Variants in SPMAP2L observed in about 807,000 individuals in gnomAD.
SPMAP2L encodes the protein sperm microtubule associated protein 2-like.
At chr4:56,602,668 C>T in the SPMAP2L span, among the ~76,000 whole-genome samples, 1 of 152,082 alleles carries the variant, frequency 6.6e-6, no homozygotes, top group African/African-American at 2.4e-5. Flanking sequence ...GCACTCCAGC[C>T]TGGGTGACAG....
the SPMAP2L span, among the ~76,000 whole-genome samples, chr4:56,561,555 C>A: frequency 6.6e-6 from 1 of 152,040 alleles, no homozygotes; most frequent in Non-Finnish European, 1.5e-5. Flanking sequence ...GGTTTCATAA[C>A]AACCCATTCT....
At chr4:56,594,623 A>G in the SPMAP2L span, 1 of 1,403,898 alleles carries the variant, frequency 7.1e-7, no homozygotes, top group African/African-American at 1.4e-5. Flanking sequence ...GACCAACCCA[A>G]CAAGTGCCCA....
chr4:56,611,684 C>T, the SPMAP2L span, among the ~76,000 whole-genome samples: 1 of 152,160 alleles, frequency 6.6e-6, no homozygotes, highest in African/African-American at 2.4e-5. Context: ...AGCAACTATG[C>T]CAGGAAGCTA....
At chr4:56,567,292 A>C in the SPMAP2L span, among the ~76,000 whole-genome samples, 2 of 150,670 alleles carry the variant, frequency 1.3e-5, no homozygotes, top group South Asian at 4.2e-4. Context: ...ATTAAGATGG[A>C]GTGTCGCCAT....
the SPMAP2L span, among the ~76,000 whole-genome samples, chr4:56,583,523 G>A: frequency 2.0e-5 from 3 of 152,226 alleles, no homozygotes; most frequent in South Asian, 6.2e-4. Flanking sequence ...CCCCTAGAGA[G>A]TAATCATGTA....
chr4:56,575,039 A>G, the SPMAP2L span, among the ~76,000 whole-genome samples: 1 of 152,130 alleles, frequency 6.6e-6, no homozygotes, highest in African/African-American at 2.4e-5. Flanking sequence ...TCACGAGGTC[A>G]GGAGATCAAG....
the SPMAP2L span, chr4:56,594,025 G>A: frequency 1.2e-6 from 2 of 1,611,370 alleles, no homozygotes; most frequent in Non-Finnish European, 1.7e-6. Flanking sequence ...CCGCTCAGCG[G>A]CAGATCAATT....
At chr4:56,592,809 G>C in the SPMAP2L span, among the ~76,000 whole-genome samples, 2 of 152,054 alleles carry the variant, frequency 1.3e-5, no homozygotes, top group East Asian at 1.9e-4. Context: ...GGGGCCTCGC[G>C]CCTCCTGGAG....
chr4:56,603,156 C>A, the SPMAP2L span: 1 of 1,294,132 alleles, frequency 7.7e-7, no homozygotes, highest in Non-Finnish European at 1.1e-6. Flanking sequence ...GAAACATTAG[C>A]TACCTTCTCT....
the SPMAP2L span, among the ~76,000 whole-genome samples, chr4:56,559,938 T>G: frequency 6.6e-6 from 1 of 152,200 alleles, no homozygotes; most frequent in Non-Finnish European, 1.5e-5. Context: ...CAACGTGCAG[T>G]CAAAATTCAT....
the SPMAP2L span, chr4:56,552,433 T>C: frequency 1.5e-6 from 1 of 649,038 alleles, no homozygotes; most frequent in East Asian, 2.7e-5. Context: ...TCAAATCACA[T>C]CAAATACAGC....
At chr4:56,538,047 C>A in the SPMAP2L span, among the ~76,000 whole-genome samples, 2 of 152,256 alleles carry the variant, frequency 1.3e-5, no homozygotes, top group East Asian at 1.9e-4. Flanking sequence ...CTACTCTTGT[C>A]CCCTGCAGCC....
chr4:56,614,101 C>A, the SPMAP2L span, among the ~76,000 whole-genome samples: 1 of 151,980 alleles, frequency 6.6e-6, no homozygotes, highest in East Asian at 1.9e-4. Flanking sequence ...TCGAGGGGTC[C>A]GGTCTAGGAC....
chr4:56,592,852 G>A, the SPMAP2L span, among the ~76,000 whole-genome samples: 1 of 152,220 alleles, frequency 6.6e-6, no homozygotes, highest in Non-Finnish European at 1.5e-5. Flanking sequence ...ACTTCGCTCG[G>A]AGGCACATCG....
the SPMAP2L span, chr4:56,557,921 C>A: frequency 6.6e-6 from 1 of 152,050 alleles, no homozygotes; most frequent in Non-Finnish European, 1.5e-5. Context: ...CTACTTTAGC[C>A]TGTTGGTTAG....
the SPMAP2L span, among the ~76,000 whole-genome samples, chr4:56,598,432 G>A: frequency 6.6e-6 from 1 of 152,158 alleles, no homozygotes; most frequent in East Asian, 1.9e-4. Context: ...ATGAGCTAAT[G>A]TGGGTGTTGA....
At chr4:56,586,226 G>T in the SPMAP2L span, among the ~76,000 whole-genome samples, 1 of 152,194 alleles carries the variant, frequency 6.6e-6, no homozygotes, top group Admixed American at 6.5e-5. Context: ...TTAAACAAAA[G>T]ATATTTATTT....
At chr4:56,546,257 C>T in the SPMAP2L span, among the ~76,000 whole-genome samples, 1 of 152,154 alleles carries the variant, frequency 6.6e-6, no homozygotes, top group Non-Finnish European at 1.5e-5. Context: ...AGAACTCAGT[C>T]GTGAAAATAC....
chr4:56,553,076 T>G, the SPMAP2L span, among the ~76,000 whole-genome samples: 1 of 151,798 alleles, frequency 6.6e-6, no homozygotes, highest in African/African-American at 2.4e-5. Flanking sequence ...CCTCTGGGTC[T>G]CCAGCAAGCT....
Sources: gnomAD v4.1 joint callset for allele counts (sites outside exome capture counted in the v4.1 genomes callset) on GRCh38, gnomAD v4.1.1 for gene constraint, MANE v1.5 for transcripts, NCBI Gene and HGNC (gene_info 2026-07-23, HGNC 2026-07-21) for gene names.